Variants in AGTPBP1 observed in about 807,000 individuals in gnomAD.
AGTPBP1 encodes cytosolic carboxypeptidase 1.
AGTPBP1 carries 70 observed loss-of-function variants against 143.9 expected under a neutral mutation model. The observed-to-expected ratio is 0.49, with a 90% CI of 0.40 to 0.59. The LOEUF is 0.59. Ranked by LOEUF, AGTPBP1 falls within the 20% of genes least tolerant of loss-of-function variation. The probability of loss-of-function intolerance (pLI) is 0.00; values close to 1 mark genes in which losing one functional copy is unlikely to be tolerated. For synonymous variants in AGTPBP1, 463 were observed against 500.2 expected (o/e 0.93, Z 0.99); for missense variants, 1,229 against 1,464.5 (o/e 0.84, Z 2.62).
At chr9:85,621,430 A>T in intron 14 of AGTPBP1, 145 bp from the exon 15 acceptor site, 1 of 370,838 alleles carries the variant, frequency 2.7e-6, no homozygotes, top group Non-Finnish European at 4.7e-6. Context: ...TTTTGCATAC[A>T]AAAAAACTAG....
chr9:85,659,790 A>G (rs973858969), intron 9 of AGTPBP1, among the ~76,000 whole-genome samples: 2 of 152,148 alleles, frequency 1.3e-5, no homozygotes, highest in African/African-American at 4.8e-5. Flanking sequence ...ATTTGCCCAT[A>G]TTAAGAATTA....
intron 14 of AGTPBP1, among the ~76,000 whole-genome samples, chr9:85,623,327 G>C (rs139506335): frequency 6.6e-6 from 1 of 152,092 alleles, no homozygotes; most frequent in Non-Finnish European, 1.5e-5. Context: ...CAAATCATGT[G>C]CAAGTTGAAA....
At chr9:85,795,858 T>G in the AGTPBP1 span, among the ~76,000 whole-genome samples, 183 of 123,762 alleles carry the variant, frequency 1.5e-3, no homozygotes, top group African/African-American at 6.2e-3. Flanking sequence ...TCTTCTTAGT[T>G]TTTTTTTTTT....
chr9:85,793,880 A>G, the AGTPBP1 span, among the ~76,000 whole-genome samples: 1 of 152,118 alleles, frequency 6.6e-6, no homozygotes, highest in Non-Finnish European at 1.5e-5. Context: ...TGAAAATATA[A>G]AAAAATGGCA....
chr9:85,746,559 T>A (rs760636671), upstream of AGTPBP1, among the ~76,000 whole-genome samples: 36 of 151,268 alleles, frequency 2.4e-4, no homozygotes, highest in Non-Finnish European at 4.4e-4. Context: ...AGCCCAGGAG[T>A]TCAAGGCTAC....
At chr9:85,588,544 G>C in intron 20 of AGTPBP1, 66 bp from the exon 21 acceptor site, 1 of 1,513,818 alleles carries the variant, frequency 6.6e-7, no homozygotes, top group Non-Finnish European at 8.9e-7. Flanking sequence ...TTTTACTTTG[G>C]GGCTTTAGAA....
In AGTPBP1 at chr9:85,672,657, C is replaced by G; in HGVS notation, c.461G>C (p.Arg154Thr). 6.2e-7 allele frequency: 1 copy of G among 1,603,276 alleles called. No homozygotes were observed. Among genetic ancestry groups the G allele is most frequent in the Non-Finnish European group, 8.5e-7 (1 of 1,176,490 alleles). ...PKDKKFGVKA[R>T]INGALNITLN... ...GGTTATATTCAGAGCCCCATTAATTCTAGCCTTTACTCCAAATTTTTTATC... is the reference window on the plus strand; with the variant it reads ...GGTTATATTCAGAGCCCCATTAATTGTAGCCTTTACTCCAAATTTTTTATC... The change falls in exon 7 of 26, where the codon AGA (arginine) becomes ACA (threonine). Residue 154 changes from arginine (R) to threonine (T), a missense_variant. This residue lies in a region of AGTPBP1 where 743 missense variants were observed against 812.2 expected (regional missense o/e 0.91). Transcript: ENST00000357081.
chr9:85,722,231 G>A (rs1308629620), intron 1 of AGTPBP1, among the ~76,000 whole-genome samples: 2 of 152,112 alleles, frequency 1.3e-5, no homozygotes, highest in Non-Finnish European at 2.9e-5. Flanking sequence ...TGCTAGGTAG[G>A]GGAAGTTCTC....
chr9:85,705,745 C>T (rs1003430492), intron 2 of AGTPBP1, among the ~76,000 whole-genome samples: 8 of 151,980 alleles, frequency 5.3e-5, no homozygotes, highest in Non-Finnish European at 1.2e-4. Flanking sequence ...GGCTGGAGTG[C>T]AGTGGCATGA....
intron 1 of AGTPBP1, among the ~76,000 whole-genome samples, chr9:85,727,552 CA>C (rs1232643509): frequency 6.6e-6 from 1 of 152,172 alleles, no homozygotes; most frequent in African/African-American, 2.4e-5. Context: ...AGTGGCTTAG[CA>C]GAAGAATTCT....
chr9:85,692,920 G>T, intron 2 of AGTPBP1, 107 bp from the exon 3 acceptor site: 1 of 1,265,680 alleles, frequency 7.9e-7, no homozygotes, highest in Non-Finnish European at 1.1e-6. Context: ...AAAACAGAAA[G>T]CATTTACACG....
upstream of AGTPBP1, among the ~76,000 whole-genome samples, chr9:85,746,203 TG>T (rs1203843334): frequency 6.6e-6 from 1 of 152,126 alleles, no homozygotes; most frequent in Non-Finnish European, 1.5e-5. Flanking sequence ...TTCTCCAACC[TG>T]CTGCCTATAA....
At chr9:85,642,091 T>C (rs1314869675) in intron 13 of AGTPBP1, among the ~76,000 whole-genome samples, 2 of 152,146 alleles carry the variant, frequency 1.3e-5, no homozygotes, top group Non-Finnish European at 2.9e-5. Context: ...ATTAAGTGTA[T>C]GAAATTTGGG....
intron 2 of AGTPBP1, among the ~76,000 whole-genome samples, chr9:85,693,963 G>A (rs981031629): frequency 5.9e-5 from 9 of 152,144 alleles, no homozygotes; most frequent in African/African-American, 9.7e-5. Flanking sequence ...AGATCCCTGC[G>A]CAGGAGCAAA....
chr9:85,727,426 T>C (rs748189052), intron 1 of AGTPBP1, among the ~76,000 whole-genome samples: 14 of 152,200 alleles, frequency 9.2e-5, no homozygotes, highest in African/African-American at 3.1e-4. Context: ...AAAGTTCTAA[T>C]TGAAGCTCCA....
chr9:85,744,013 C>T (rs1022815611), upstream of AGTPBP1, among the ~76,000 whole-genome samples: 1 of 150,688 alleles, frequency 6.6e-6, no homozygotes, highest in Non-Finnish European at 1.5e-5. Context: ...GCAGCCTTGA[C>T]CTCCCAGGCT....
intron 22 of AGTPBP1, 63 bp from the exon 23 acceptor site, chr9:85,585,657 G>A (rs771402935): frequency 1.3e-5 from 18 of 1,344,872 alleles, no homozygotes; most frequent in Non-Finnish European, 1.7e-5. Context: ...AGTAAAGGTA[G>A]TTAATATCAA....
the AGTPBP1 span, chr9:85,756,179 A>G: frequency 2.5e-4 from 409 of 1,612,504 alleles, 1 homozygote; most frequent in Non-Finnish European, 3.1e-4. Flanking sequence ...ACGGGAGGCC[A>G]TAGTTTCTAA....
Position 85,619,057 on chromosome 9 carries a change from C to T in AGTPBP1, c.2261G>A (p.Ser754Asn). The T allele has an allele frequency of 6.2e-7, 1 of 1,613,860 alleles. No individual in the cohort carries two copies. The highest frequency in any genetic ancestry group is 1.1e-5 in the South Asian group (1 of 91,074). Residue 754 changes from serine to asparagine, a missense_variant, in exon 17 of 26, where the codon AGT becomes AAT. By Grantham distance (46) the Ser-to-Asn change is conservative. Coordinates refer to ENST00000357081, the MANE Select transcript of AGTPBP1 (RefSeq NM_001330701.2). The part of the protein sequence containing the change: ...HYHQWFYFEV[S>N]GMRPGVAYRF... Reference sequence around the variant, plus strand: ...GTAAGCAACACCTGGTCGCATTCCACTGACTTCAAAGTAAAACCACTGATG... The same window carrying T: ...GTAAGCAACACCTGGTCGCATTCCATTGACTTCAAAGTAAAACCACTGATG...
Sources: allele counts gnomAD v4.1 joint callset (sites outside exome capture counted in the v4.1 genomes callset), GRCh38; gene constraint gnomAD v4.1.1; regional missense constraint gnomAD v4.1.1; transcripts MANE v1.5; gene names NCBI Gene and HGNC (gene_info 2026-07-23, HGNC 2026-07-21).